Variants in TRIM35 observed in about 807,000 individuals in gnomAD.
TRIM35 encodes tripartite motif containing 35.
A neutral mutation model predicts 49.1 loss-of-function variants in TRIM35; 37 were observed. The observed-to-expected ratio is 0.75, with a 90% CI of 0.58 to 0.99. The LOEUF is 0.99. Ranked by LOEUF, TRIM35 falls within the 50% of genes least tolerant of loss-of-function variation. The pLI is 0.00. For synonymous variants in TRIM35, 302 were observed against 289.3 expected, an observed-to-expected ratio of 1.04 and a Z score of -0.45; for missense variants, 648 against 702.7, an observed-to-expected ratio of 0.92 and a Z score of 0.88.
intron 1 of TRIM35, among the ~76,000 whole-genome samples, chr8:27,300,956 AG>A (rs2130300432): frequency 6.6e-6 from 1 of 152,342 alleles, no homozygotes; most frequent in Non-Finnish European, 1.5e-5. Context: ...AACACAGTTC[AG>A]CCCCTGCCCT....
rs780047474 is a variant in TRIM35, at chr8:27,288,075, G to T, written c.957C>A (p.Asp319Glu). The T allele has an allele frequency of 2.5e-6, 4 of 1,612,014 alleles. No individual in the cohort carries two copies. The African/African-American group carries it at 5.3e-5, about 22-fold the overall frequency. ...CATGGTTGGTGACGCTGGTGAGGTC[G>T]TCAGACACGGAGAGCCAGCCAGCTG... ...NTAAGWLSVS[D>E]DLTSVTNHGY... The change falls in exon 6 of 6, where the codon GAC (aspartate) becomes GAA (glutamate). Residue 319 changes from aspartate to glutamate, a missense_variant. Coordinates refer to ENST00000305364, the MANE Select transcript of TRIM35 (RefSeq NM_171982.5).
intron 3 of TRIM35, among the ~76,000 whole-genome samples, chr8:27,292,567 C>T (rs918889928): frequency 6.6e-6 from 1 of 152,182 alleles, no homozygotes. Context: ...TATATAATTC[C>T]ATGCATTTGA....
intron 4 of TRIM35, 110 bp from the exon 5 acceptor site, chr8:27,289,390 G>C: frequency 1.2e-6 from 1 of 845,044 alleles, no homozygotes; most frequent in South Asian, 1.6e-5. Context: ...TCAGGCCCAA[G>C]TTTCCTGGCC....
Position 27,311,128 on chromosome 8 carries a change from G to T in TRIM35, c.108C>A (p.Cys36Ter). ...DPFRDAVTLRCGHNFCRGCVS... is the reference protein window; with the variant it reads ...DPFRDAVTLR The stretch of plus-strand genomic sequence containing the variant: ...CGCACCCGCGGCAGAAGTTGTGGCC[G>T]CAGCGCAGAGTGACTGCGTCGCGGA... The change falls in exon 1 of 6, where the codon TGC (cysteine) becomes TGA (stop). Residue 36 changes from cysteine to a stop codon, truncating the protein, a stop_gained. Coordinates refer to ENST00000305364, the MANE Select transcript of TRIM35 (RefSeq NM_171982.5). LOFTEE classifies it high-confidence loss of function. 6.2e-7 allele frequency: 1 copy of T among 1,601,274 alleles called. No homozygotes were observed.
intron 1 of TRIM35, chr8:27,304,968 G>T (rs1012558411): frequency 2.2e-5 from 8 of 366,762 alleles, no homozygotes; most frequent in Non-Finnish European, 4.2e-5. Context: ...CTGGCACCTG[G>T]CCGACCAGGT....
intron 1 of TRIM35, among the ~76,000 whole-genome samples, chr8:27,306,317 C>CTT (rs990017493): frequency 3.4e-5 from 5 of 145,380 alleles, no homozygotes; most frequent in Non-Finnish European, 7.5e-5. Context: ...TTCGTATTTT[C>CTT]TTTTTTTCTT....
chr8:27,290,899 A>G (rs1802439427), intron 3 of TRIM35, among the ~76,000 whole-genome samples: 1 of 152,180 alleles, frequency 6.6e-6, no homozygotes, highest in African/African-American at 2.4e-5. Context: ...TATGGTACTA[A>G]TATAAAAACA....
intron 1 of TRIM35, among the ~76,000 whole-genome samples, chr8:27,303,439 A>G (rs1802719287): frequency 6.6e-6 from 1 of 152,088 alleles, no homozygotes; most frequent in African/African-American, 2.4e-5. Flanking sequence ...AGAAGTGTGA[A>G]TTTGAATGCA....
rs781373343 is a variant in TRIM35, at chr8:27,298,504, G to T, written c.491C>A (p.Ala164Asp). The T allele has an allele frequency of 6.2e-7, 1 of 1,614,110 alleles. No individual in the cohort carries two copies. Among genetic ancestry groups the T allele is most frequent in the Admixed American group, 1.7e-5 (1 of 60,000 alleles). Reference sequence around the variant, plus strand: ...GATGGCCTCATAGGAGCGCCGCATGGCCCAGAAGGCCTTGGCCTTCTCCCG... The same window carrying T: ...GATGGCCTCATAGGAGCGCCGCATGTCCCAGAAGGCCTTGGCCTTCTCCCG... Reference protein sequence around the residue: ...ALREKAKAFWAMRRSYEAIAK... With the variant: ...ALREKAKAFWDMRRSYEAIAK... The change falls in exon 2 of 6, where the codon GCC becomes GAC. Residue 164 changes from alanine (A) to aspartate (D), a missense_variant. Transcript: ENST00000305364.
Position 27,287,495 on chromosome 8 carries a change from G to A in TRIM35, c.*55C>T, listed in dbSNP as rs374039704. On this transcript the variant is annotated 3_prime_UTR_variant, in exon 6 of 6. Coordinates refer to ENST00000305364, the MANE Select transcript of TRIM35 (RefSeq NM_171982.5). This position sits in a 1 kb window ranked among gnomAD's most constrained non-coding sequence, Gnocchi z 6.0. ...GCCCAAGCAGTGTGGGCATTAGGAA[G>A]AGGGCAGAAAGAAAACAGTGCTGTG... 8 of 1,478,826 alleles carry A rather than the reference G, an allele frequency of 5.4e-6. No individual in the cohort carries two copies. The African/African-American group carries it at 1.1e-4, about 21-fold the overall frequency. The allele number at this position is 1,478,826 out of a possible 1,614,324, so 91.6% of individuals were successfully genotyped here. A position where few individuals can be genotyped will look rare whatever the true frequency, so the allele number is the denominator to read the frequency against.
rs966729760 is a variant in TRIM35, at chr8:27,287,393, G to C, written c.*157C>G. Reference sequence around the variant, plus strand: ...ACAGAAGGGACCAAACATGGAGAGAGGCACAGCCTGGAGTCATGGAAAAGG... The same window carrying C: ...ACAGAAGGGACCAAACATGGAGAGACGCACAGCCTGGAGTCATGGAAAAGG... On this transcript the variant is annotated 3_prime_UTR_variant, in exon 6 of 6. Coordinates refer to ENST00000305364, the MANE Select transcript of TRIM35 (RefSeq NM_171982.5). This position sits in a 1 kb window ranked among gnomAD's most constrained non-coding sequence, Gnocchi z 6.0. 7 of 806,240 alleles carry C rather than the reference G, an allele frequency of 8.7e-6. No homozygotes were observed. Among genetic ancestry groups the C allele is most frequent in the Admixed American group, 6.0e-5 (2 of 33,168 alleles). 49.9% of individuals were successfully genotyped at this position (806,240 alleles called of 1,614,324 possible).
chr8:27,297,321 G>A (rs1417133266), intron 2 of TRIM35, among the ~76,000 whole-genome samples: 1 of 152,214 alleles, frequency 6.6e-6, no homozygotes, highest in Non-Finnish European at 1.5e-5. Context: ...ATTACTAGAA[G>A]CAACCACTTC....
intron 2 of TRIM35, among the ~76,000 whole-genome samples, chr8:27,296,534 G>T (rs577996379): frequency 6.6e-6 from 1 of 152,296 alleles, no homozygotes; most frequent in South Asian, 2.1e-4. Flanking sequence ...CTTCCCATGT[G>T]ACCTCATTAC....
intron 1 of TRIM35, among the ~76,000 whole-genome samples, chr8:27,309,404 T>A (rs1443517057): frequency 6.6e-6 from 1 of 152,186 alleles, no homozygotes; most frequent in Non-Finnish European, 1.5e-5. Flanking sequence ...ACAGGGTTAC[T>A]CATTGAGACA....
At position 27,298,462 on chromosome 8, in the gene TRIM35, A is replaced by T. The variant is rs999070647; in HGVS notation, c.531+2T>A. 2 of 1,614,082 alleles carry T rather than the reference A, an allele frequency of 1.2e-6. No individual in the cohort carries two copies. The highest frequency in any genetic ancestry group is 1.7e-6 in the Non-Finnish European group (2 of 1,179,982). On this transcript the variant is annotated splice_donor_variant, in intron 2 of 5. Transcript: ENST00000305364. LOFTEE classifies it high-confidence loss of function. ...TCCCACTTGGCCCCATCGTTCGCTC[A>T]CCTGATTGTGCTTGGCGATGGCCTC...
intron 1 of TRIM35, among the ~76,000 whole-genome samples, chr8:27,305,607 G>A (rs1431265110): frequency 2.0e-5 from 3 of 152,192 alleles, no homozygotes; most frequent in Non-Finnish European, 4.4e-5. Context: ...GAGTACCCTT[G>A]GGTTAGATCC....
At chr8:27,302,053 C>T (rs1224111139) in intron 1 of TRIM35, among the ~76,000 whole-genome samples, 1 of 152,180 alleles carries the variant, frequency 6.6e-6, no homozygotes, top group African/African-American at 2.4e-5. Flanking sequence ...CATCACACAG[C>T]CATAATTTCT....
chr8:27,294,380 A>G, intron 2 of TRIM35, 70 bp from the exon 3 acceptor site: 1 of 1,440,382 alleles, frequency 6.9e-7, no homozygotes, highest in East Asian at 2.4e-5. Context: ...CAACTTTCCC[A>G]TTTTTAGCAA....
At chr8:27,294,359 C>T (rs1263079863) in intron 2 of TRIM35, 49 bp from the exon 3 acceptor site, 16 of 1,544,520 alleles carry the variant, frequency 1.0e-5, no homozygotes, top group Non-Finnish European at 1.2e-5. Flanking sequence ...GAGAGGACAT[C>T]CATAGCCCAG....
Sources: gnomAD v4.1 joint callset for allele counts (sites outside exome capture counted in the v4.1 genomes callset) on GRCh38, gnomAD v4.1.1 for gene constraint, Gnocchi (gnomAD v3.1) non-coding constraint, MANE v1.5 for transcripts, NCBI Gene and HGNC (gene_info 2026-07-23, HGNC 2026-07-21) for gene names.